Variants in OTOGL observed in about 807,000 individuals in gnomAD.
OTOGL encodes otogelin-like protein.
Under a neutral mutation model 318.5 loss-of-function variants are expected in OTOGL, and 285 were observed. The ratio of observed to expected loss-of-function variants is 0.89; its 90% CI spans 0.81 to 0.99. OTOGL has a LOEUF of 0.99. OTOGL is among the 50% of genes least tolerant of loss of function. OTOGL has a pLI of 0.00. For missense variants in OTOGL, 2,899 were observed against 2,845.6 expected (o/e 1.02, Z -0.43); for synonymous variants, 987 against 936.5 (o/e 1.05, Z -0.99).
chr12:80,170,555 T>C, intron 1 of OTOGL, among the ~76,000 whole-genome samples: 1 of 152,092 alleles, frequency 6.6e-6, no homozygotes, highest in East Asian at 1.9e-4. Flanking sequence ...TGCCTCAGCC[T>C]CCTGAGTATC....
At chr12:80,170,178 G>GGTGT (rs532627744) in intron 1 of OTOGL, among the ~76,000 whole-genome samples, 6,775 of 143,976 alleles carry the variant, frequency 0.047, 421 homozygotes, top group African/African-American at 0.16. Context: ...CTTTGTCAGG[G>GGTGT]GTGTGTGTGT....
Position 80,337,381 on chromosome 12 carries a change from A to G in OTOGL, c.4860+377A>G, listed in dbSNP as rs981644402. 1.3e-5 allele frequency among the ~76,000 whole-genome samples: 2 copies of G among 152,210 alleles called. 1 individual carries two copies. Among genetic ancestry groups the G allele is most frequent in the Non-Finnish European group, 2.9e-5 (2 of 67,982 alleles). On this transcript the variant is annotated intron_variant, in intron 42 of 58. Transcript: ENST00000547103. Reference sequence around the variant, plus strand: ...AAAGCATAGTAGCCAAGAACACCGGAATAAAGACCGTTAAGAGAAGAACAG... The same window carrying G: ...AAAGCATAGTAGCCAAGAACACCGGGATAAAGACCGTTAAGAGAAGAACAG...
chr12:80,298,789 G>A (rs1466106656), intron 27 of OTOGL, among the ~76,000 whole-genome samples: 1 of 152,184 alleles, frequency 6.6e-6, no homozygotes, highest in Non-Finnish European at 1.5e-5. Flanking sequence ...GTCCTGATCA[G>A]CTGCCATTCA....
intron 1 of OTOGL, among the ~76,000 whole-genome samples, chr12:80,110,147 A>G (rs1869747158): frequency 6.7e-6 from 1 of 149,362 alleles, no homozygotes; most frequent in African/African-American, 2.5e-5. Context: ...GGCTCACTAC[A>G]AGCTTCGTCT....
chr12:80,356,570 A>G, intron 48 of OTOGL, 50 bp downstream of exon 48: 1 of 1,362,326 alleles, frequency 7.3e-7, no homozygotes, highest in Non-Finnish European at 1.0e-6. Context: ...GTTCATTCAG[A>G]ACAGTGAATT....
At chr12:80,232,332 T>G (rs888646412) in intron 8 of OTOGL, among the ~76,000 whole-genome samples, 1 of 152,216 alleles carries the variant, frequency 6.6e-6, no homozygotes, top group Non-Finnish European at 1.5e-5. Flanking sequence ...CCTTTGATTT[T>G]TTTTAGAAAA....
chr12:80,216,940 A>G (rs1164476482), intron 4 of OTOGL, among the ~76,000 whole-genome samples: 4 of 152,192 alleles, frequency 2.6e-5, no homozygotes. Context: ...TAAAACTTAA[A>G]GTATAATAAT....
chr12:80,144,929 T>G (rs1306422272), intron 1 of OTOGL, among the ~76,000 whole-genome samples: 1 of 151,272 alleles, frequency 6.6e-6, no homozygotes, highest in Non-Finnish European at 1.5e-5. Flanking sequence ...TAAATTTGTT[T>G]GAGTTCATTG....
intron 38 of OTOGL, among the ~76,000 whole-genome samples, chr12:80,333,456 T>G (rs1888205761): frequency 6.6e-6 from 1 of 152,004 alleles, no homozygotes; most frequent in African/African-American, 2.4e-5. Flanking sequence ...CATTGTCTCC[T>G]AGAACTAGTA....
chr12:80,216,805 C>G (rs533236970), intron 4 of OTOGL, among the ~76,000 whole-genome samples: 6 of 152,262 alleles, frequency 3.9e-5, no homozygotes, highest in African/African-American at 4.8e-5. Context: ...TACCACTACT[C>G]TGAACTACCT....
At chr12:80,115,975 A>T (rs1870134889) in intron 1 of OTOGL, among the ~76,000 whole-genome samples, 1 of 151,132 alleles carries the variant, frequency 6.6e-6, no homozygotes, top group African/African-American at 2.4e-5. Flanking sequence ...AGTGGATCTT[A>T]GCTTCCTGGG....
At chr12:80,165,700 C>T (rs1455975469) in intron 1 of OTOGL, among the ~76,000 whole-genome samples, 1 of 152,210 alleles carries the variant, frequency 6.6e-6, no homozygotes, top group Non-Finnish European at 1.5e-5. Context: ...AGTCACAGAT[C>T]CCATCCAGCA....
Position 80,368,071 on chromosome 12 carries a change from C to T in OTOGL, c.6511-134C>T, listed in dbSNP as rs1890659794. On this transcript the variant is annotated intron_variant, in intron 54 of 58. Coordinates refer to ENST00000547103, the MANE Select transcript of OTOGL (RefSeq NM_001378609.3). ...TAAAGTCAATTATTATTGGAAGCTT[C>T]TCATATTCAACCTTAGAAATCCTTA... 1.4e-5 allele frequency: 9 copies of T among 661,580 alleles called. No homozygotes were observed. In the Admixed American group the frequency reaches 2.5e-4, roughly 19 times the overall value. 41.0% of individuals were successfully genotyped at this position (661,580 alleles called of 1,614,324 possible). A position where few individuals can be genotyped will look rare whatever the true frequency, so the allele number is the denominator to read the frequency against.
intron 44 of OTOGL, among the ~76,000 whole-genome samples, chr12:80,349,946 T>A (rs1889439232): frequency 6.6e-6 from 1 of 152,204 alleles, no homozygotes; most frequent in Non-Finnish European, 1.5e-5. Context: ...ATGATAACAC[T>A]TTACATCCAC....
At chr12:80,278,050 A>T (rs1883939252) in intron 24 of OTOGL, 118 bp from the exon 25 acceptor site, 1 of 731,376 alleles carries the variant, frequency 1.4e-6, no homozygotes, top group East Asian at 2.7e-5. Flanking sequence ...GGTTAGATAG[A>T]GTGCCTTAGA....
chr12:80,272,160 A>G (rs1883460072), intron 24 of OTOGL, among the ~76,000 whole-genome samples: 6 of 152,100 alleles, frequency 3.9e-5, no homozygotes, highest in Admixed American at 3.3e-4. Flanking sequence ...TATTGATGTG[A>G]AGTTGTAATA....
chr12:80,256,511 A>AACAC, intron 17 of OTOGL, 51 bp downstream of exon 17: 1 of 1,516,456 alleles, frequency 6.6e-7, no homozygotes, highest in Non-Finnish European at 8.8e-7. Context: ...CAAACAAACA[A>AACAC]ACAAACAAAC....
At chr12:80,323,632 G>C (rs1386286442) in intron 34 of OTOGL, 91 bp from the exon 35 acceptor site, 5 of 980,782 alleles carry the variant, frequency 5.1e-6, no homozygotes, top group Non-Finnish European at 7.8e-6. Flanking sequence ...CTGAGTGACA[G>C]AGCGAGACTG....
At chr12:80,247,001 G>A (rs1349889899) in intron 11 of OTOGL, among the ~76,000 whole-genome samples, 1 of 66,864 alleles carries the variant, frequency 1.5e-5, no homozygotes, top group Admixed American at 1.5e-4. Context: ...TGTGGGATCG[G>A]TGGTGATATC....
Sources: gnomAD v4.1 joint callset for allele counts (sites outside exome capture counted in the v4.1 genomes callset) on GRCh38, gnomAD v4.1.1 for gene constraint, MANE v1.5 for transcripts, NCBI Gene and HGNC (gene_info 2026-07-23, HGNC 2026-07-21) for gene names.